The following CLCN7 variants were observed in gnomAD, a reference collection of about 807,000 sequenced individuals.
CLCN7 encodes Cl-/H+ antiporter 7, also known as H(+)/Cl(-) exchange transporter 7.
A neutral mutation model predicts 102.1 loss-of-function variants in CLCN7; 60 were observed. The ratio of observed to expected loss-of-function variants is 0.59; its 90% CI spans 0.48 to 0.73. The LOEUF (loss-of-function observed/expected upper bound fraction) is 0.73, where lower values mean the gene tolerates loss of function less well. Ranked by LOEUF, CLCN7 falls within the 30% of genes least tolerant of loss-of-function variation. CLCN7 has a pLI of 0.00. For missense variants in CLCN7, 962 were observed against 1,125.7 expected (o/e 0.85, Z 2.08); for synonymous variants, 560 against 490.5 (o/e 1.14, Z -1.87).
At chr16:1,453,107 A>C (rs2038779900) in intron 14 of CLCN7, among the ~76,000 whole-genome samples, 1 of 152,170 alleles carries the variant, frequency 6.6e-6, no homozygotes, top group African/African-American at 2.4e-5. Context: ...TCCCAGGTTC[A>C]AGCAATTGTC....
chr16:1,447,355 C>T, intron 23 of CLCN7, 37 bp downstream of exon 23: 2 of 1,528,494 alleles, frequency 1.3e-6, no homozygotes, highest in Non-Finnish European at 1.8e-6. Context: ...GCTGTTCAGT[C>T]CCAGGCCCCA....
chr16:1,451,568 G>T, intron 16 of CLCN7, 55 bp downstream of exon 16: 2 of 1,488,026 alleles, frequency 1.3e-6, no homozygotes, highest in Middle Eastern at 1.8e-4. Context: ...TCAGCCAGAA[G>T]GCATCACCCA....
intron 14 of CLCN7, 112 bp from the exon 15 acceptor site, chr16:1,453,005 GT>G: frequency 6.9e-7 from 1 of 1,447,216 alleles, no homozygotes; most frequent in South Asian, 1.2e-5. Flanking sequence ...GGTGCTTTTT[GT>G]TTGTTTGTTT....
chr16:1,471,255 G>C (rs1022159877), intron 1 of CLCN7, among the ~76,000 whole-genome samples: 1 of 152,128 alleles, frequency 6.6e-6, no homozygotes, highest in African/African-American at 2.4e-5. Context: ...CCCACGCTGA[G>C]GTGGCAACGA....
intron 14 of CLCN7, among the ~76,000 whole-genome samples, chr16:1,453,562 A>G (rs2038787407): frequency 6.6e-6 from 1 of 152,196 alleles, no homozygotes; most frequent in Non-Finnish European, 1.5e-5. Context: ...TGCCTCGCCC[A>G]GGCCCGATCC....
intron 1 of CLCN7, among the ~76,000 whole-genome samples, chr16:1,469,590 G>A (rs1406237793): frequency 1.3e-5 from 2 of 152,190 alleles, no homozygotes; most frequent in African/African-American, 2.4e-5. Flanking sequence ...GGAGGCTGAG[G>A]CAGGAGAATC....
chr16:1,460,721 T>C (rs2038921696), intron 5 of CLCN7, 95 bp downstream of exon 5: 1 of 1,588,622 alleles, frequency 6.3e-7, no homozygotes, highest in Non-Finnish European at 8.6e-7. Flanking sequence ...CGCCTCCACC[T>C]GCACTGGAAC....
intron 2 of CLCN7, among the ~76,000 whole-genome samples, chr16:1,464,606 G>A (rs886352915): frequency 2.0e-5 from 3 of 152,238 alleles, no homozygotes; most frequent in Admixed American, 6.5e-5. Context: ...CCGGACAGGT[G>A]GACTGTGAGA....
intron 1 of CLCN7, chr16:1,472,673 T>C (rs1042410555): frequency 6.6e-6 from 1 of 152,164 alleles, no homozygotes; most frequent in African/African-American, 2.4e-5. Flanking sequence ...TTCCTAATCT[T>C]TACCTTTCAG....
intron 1 of CLCN7, among the ~76,000 whole-genome samples, chr16:1,466,135 C>T (rs2039001384): frequency 6.6e-6 from 1 of 152,286 alleles, no homozygotes; most frequent in African/African-American, 2.4e-5. Flanking sequence ...GGAGGGACCG[C>T]ATGCGCAGGG....
chr16:1,469,682 TCAAAAA>T (rs1425054397), intron 1 of CLCN7, among the ~76,000 whole-genome samples: 1 of 152,026 alleles, frequency 6.6e-6, no homozygotes, highest in African/African-American at 2.4e-5. Flanking sequence ...GGAGACTCCG[TCAAAAA>T]CAAAAACAAA....
At position 1,457,820 on chromosome 16, in the gene CLCN7, G is replaced by A. The variant is rs1190611088; in HGVS notation, c.676-64C>T. 18 of 1,499,686 alleles carry A rather than the reference G, an allele frequency of 1.2e-5. No individual in the cohort carries two copies. The highest frequency in any genetic ancestry group is 4.5e-5 in the East Asian group (2 of 44,178). 92.9% of individuals were successfully genotyped at this position (1,499,686 alleles called of 1,614,324 possible). A position where few individuals can be genotyped will look rare whatever the true frequency, so the allele number is the denominator to read the frequency against. On this transcript the variant is annotated intron_variant, in intron 7 of 24. Transcript: ENST00000382745. The surrounding 1 kb of genome is among the most constrained non-coding windows in gnomAD (Gnocchi z 5.4). ...CAGGCGCTGTCTTTGGACCTGAGCCGTAAAACAGCACACACAGCCCCGATC... is the reference window on the plus strand; with the variant it reads ...CAGGCGCTGTCTTTGGACCTGAGCCATAAAACAGCACACACAGCCCCGATC...
chr16:1,451,204 G>C (rs1335068538), intron 16 of CLCN7, among the ~76,000 whole-genome samples: 1 of 152,194 alleles, frequency 6.6e-6, no homozygotes, highest in Non-Finnish European at 1.5e-5. Context: ...GAGTCACCAG[G>C]CTGGGTTTTC....
rs965161191 is a variant in CLCN7 at position 1,446,244 on chromosome 16, G to C, written c.*387C>G. On this transcript the variant is annotated 3_prime_UTR_variant, in exon 25 of 25. Coordinates refer to ENST00000382745, the MANE Select transcript of CLCN7 (RefSeq NM_001287.6). ...CCCTTCCAGGGCAGGGCAGCCCTCG[G>C]GGCAGCAGCAGGGGCAAGGGCTCTG... The C allele has an allele frequency of 6.0e-6, 4 of 669,012 alleles. No homozygotes were observed. The highest frequency in any genetic ancestry group is 5.3e-5 in the African/African-American group (3 of 56,586). The allele number at this position is 669,012 out of a possible 1,614,324, so 41.4% of individuals were successfully genotyped here. A position where few individuals can be genotyped will look rare whatever the true frequency, so the allele number is the denominator to read the frequency against.
At chr16:1,474,691 GC>G in intron 1 of CLCN7, 142 bp downstream of exon 1, 1 of 704,100 alleles carries the variant, frequency 1.4e-6, no homozygotes, top group Non-Finnish European at 1.9e-6. Context: ...CCGCCGAGGA[GC>G]CCCGGGGCGC....
chr16:1,446,021 T>C lies in CLCN7; in HGVS notation c.*610A>G, dbSNP rs1596208903. 1.9e-6 allele frequency: 1 copy of C among 538,668 alleles called. No homozygotes were observed. Among genetic ancestry groups the C allele is most frequent in the Non-Finnish European group, 3.3e-6 (1 of 304,366 alleles). 33.4% of individuals were successfully genotyped at this position (538,668 alleles called of 1,614,324 possible). ...TCTGGGCCTGTGTACCCAAGCCGGA[T>C]GCAGGCCGGGGAGTGCACGTGGGGC... On this transcript the variant is annotated 3_prime_UTR_variant, in exon 25 of 25. Coordinates refer to ENST00000382745, the MANE Select transcript of CLCN7 (RefSeq NM_001287.6).
rs750897423 is a variant in CLCN7, at chr16:1,457,678, A to T, written c.738+16T>A. 1 of 1,613,252 alleles carries T rather than the reference A, an allele frequency of 6.2e-7. No individual in the cohort carries two copies. Among genetic ancestry groups the T allele is most frequent in the Non-Finnish European group, 8.5e-7 (1 of 1,179,808 alleles). On this transcript the variant is annotated intron_variant, in intron 8 of 24. Transcript: ENST00000382745. This position sits in a 1 kb window ranked among gnomAD's most constrained non-coding sequence, Gnocchi z 5.4. ...GCCTCAGGCTCCAGCTGGAGTGGCC[A>T]TGTGCACTTTGTTACCTTTCCCACG... is the stretch of plus-strand genomic sequence containing the variant.
intron 1 of CLCN7, among the ~76,000 whole-genome samples, chr16:1,468,705 G>C (rs1049980288): frequency 6.6e-6 from 1 of 152,090 alleles, no homozygotes; most frequent in African/African-American, 2.4e-5. Context: ...GGTGGGACTA[G>C]AAAGATGGGT....
Position 1,459,093 on chromosome 16 carries a change from C to T in CLCN7, c.675+14G>A, listed in dbSNP as rs748957866. On this transcript the variant is annotated intron_variant, in intron 7 of 24. Transcript: ENST00000382745. ...GGCGCCCACCCTGCCCAGCCAGGGCCACCGCACCCTCACCTTGAGCCGCAC... is the reference window on the plus strand; with the variant it reads ...GGCGCCCACCCTGCCCAGCCAGGGCTACCGCACCCTCACCTTGAGCCGCAC... The T allele has an allele frequency of 1.8e-5, 29 of 1,602,824 alleles. No homozygotes were observed. In the Admixed American group the frequency reaches 4.7e-4, roughly 26 times the overall value.
Sources: allele counts gnomAD v4.1 joint callset (sites outside exome capture counted in the v4.1 genomes callset), GRCh38; gene constraint gnomAD v4.1.1; non-coding constraint Gnocchi (gnomAD v3.1); transcripts MANE v1.5; gene names NCBI Gene and HGNC (gene_info 2026-07-23, HGNC 2026-07-21).